SCFD2: variants seen among roughly 807,000 people sequenced by gnomAD.
The protein encoded by SCFD2 is sec1 family domain containing 2.
In SCFD2, 54 loss-of-function variants were observed where a neutral mutation model predicts 58.9. That is an observed-to-expected ratio of 0.92 (90% CI 0.74 to 1.15). SCFD2 has a LOEUF of 1.15. Among genes scored for constraint, SCFD2 ranks in the 50% most tolerant of loss-of-function variants. The pLI is 0.00. For synonymous variants in SCFD2, 321 were observed against 335.9 expected, an observed-to-expected ratio of 0.96 and a Z score of 0.49; for missense variants, 805 against 836.6, an observed-to-expected ratio of 0.96 and a Z score of 0.47.
At chr4:53,350,506 TA>T (rs1734183991) in intron 2 of SCFD2, among the ~76,000 whole-genome samples, 2 of 152,208 alleles carry the variant, frequency 1.3e-5, no homozygotes, top group African/African-American at 2.4e-5. Context: ...CAATACCCTT[TA>T]AAAACCCTTT....
chr4:53,323,530 ATTTTTTTTTTT>A (rs1201482656), intron 2 of SCFD2, among the ~76,000 whole-genome samples: 4 of 106,766 alleles, frequency 3.7e-5, no homozygotes, highest in Non-Finnish European at 5.4e-5. Context: ...TGCCCAGCTA[ATTTTTTTTTTT>A]TTTTTTTTTT....
intron 4 of SCFD2, among the ~76,000 whole-genome samples, chr4:53,185,332 G>A (rs1727704468): frequency 6.6e-6 from 1 of 151,998 alleles, no homozygotes; most frequent in South Asian, 2.1e-4. Context: ...TGAAAATGCT[G>A]CTCTGAATAG....
At chr4:53,162,642 G>C (rs1466397226) in intron 4 of SCFD2, among the ~76,000 whole-genome samples, 1 of 151,080 alleles carries the variant, frequency 6.6e-6, no homozygotes, top group Non-Finnish European at 1.5e-5. Context: ...TAACTGGTGT[G>C]AGATGGTATC....
intron 4 of SCFD2, among the ~76,000 whole-genome samples, chr4:53,180,916 A>C (rs899148458): frequency 3.9e-5 from 6 of 152,224 alleles, no homozygotes; most frequent in African/African-American, 7.2e-5. Flanking sequence ...GAAATGGATA[A>C]ATTCCTCGAC....
intron 5 of SCFD2, among the ~76,000 whole-genome samples, chr4:52,992,466 G>A (rs1274897930): frequency 6.6e-6 from 1 of 152,206 alleles, no homozygotes; most frequent in African/African-American, 2.4e-5. Flanking sequence ...GGGAAGTGAG[G>A]AGCGTCTCTG....
intron 6 of SCFD2, among the ~76,000 whole-genome samples, chr4:52,914,113 C>A (rs1446677385): frequency 6.6e-6 from 1 of 152,174 alleles, no homozygotes; most frequent in African/African-American, 2.4e-5. Context: ...CTTTGGTTAA[C>A]TTTTTATCTC....
chr4:52,910,018 C>T (rs949699672), intron 6 of SCFD2, among the ~76,000 whole-genome samples: 1 of 152,162 alleles, frequency 6.6e-6, no homozygotes, highest in Non-Finnish European at 1.5e-5. Context: ...AGTCCTTTGG[C>T]CAATAATCTG....
chr4:53,211,183 C>A (rs1279778295), intron 4 of SCFD2, among the ~76,000 whole-genome samples: 7 of 150,318 alleles, frequency 4.7e-5, no homozygotes, highest in Non-Finnish European at 1.0e-4. Context: ...GCGGAGGTTG[C>A]AATGAGCTGA....
intron 2 of SCFD2, among the ~76,000 whole-genome samples, chr4:53,329,344 T>G (rs925591477): frequency 1.3e-5 from 2 of 152,176 alleles, no homozygotes; most frequent in African/African-American, 4.8e-5. Flanking sequence ...TAAATGTCCC[T>G]GTCTGACAGC....
intron 3 of SCFD2, among the ~76,000 whole-genome samples, chr4:53,279,410 C>T (rs1423674705): frequency 6.6e-6 from 1 of 152,168 alleles, no homozygotes; most frequent in African/African-American, 2.4e-5. Context: ...GCCACCATAC[C>T]TGGCCCTTAT....
chr4:53,353,905 T>C (rs1370958301), intron 1 of SCFD2, among the ~76,000 whole-genome samples: 1 of 152,270 alleles, frequency 6.6e-6, no homozygotes, highest in Admixed American at 6.5e-5. Flanking sequence ...TGCTGATTGG[T>C]GCATTTACAA....
In SCFD2 at chr4:53,302,275, G is replaced by A. The variant is rs562994592; in HGVS notation, c.1135+11361C>T. Reference sequence around the variant, plus strand: ...AAGTCTCAGGATACAAAATCAATGTGCAAAAATCACAAGCATTCTTATACA... The same window carrying A: ...AAGTCTCAGGATACAAAATCAATGTACAAAAATCACAAGCATTCTTATACA... On this transcript the variant is annotated intron_variant, in intron 3 of 8. Coordinates refer to ENST00000401642, the MANE Select transcript of SCFD2 (RefSeq NM_152540.4). Among the ~76,000 whole-genome samples, 779 of 152,194 alleles carry A rather than the reference G, an allele frequency of 5.1e-3. 2 individuals are homozygous for A. Among genetic ancestry groups the A allele is most frequent in the Non-Finnish European group, 8.5e-3 (576 of 68,020 alleles).
intron 1 of SCFD2, among the ~76,000 whole-genome samples, chr4:53,356,898 G>A (rs1245266306): frequency 4.6e-5 from 7 of 151,732 alleles, no homozygotes; most frequent in East Asian, 1.9e-4. Flanking sequence ...CACCACGCCC[G>A]GATAATTTTT....
At chr4:53,083,701 GGAATTT>G (rs1724217631) in intron 5 of SCFD2, among the ~76,000 whole-genome samples, 1 of 152,180 alleles carries the variant, frequency 6.6e-6, no homozygotes, top group African/African-American at 2.4e-5. Context: ...TACAAAGAGA[GGAATTT>G]TACAGCTGGG....
At chr4:53,039,676 G>T in intron 5 of SCFD2, among the ~76,000 whole-genome samples, 1 of 152,152 alleles carries the variant, frequency 6.6e-6, no homozygotes, top group East Asian at 1.9e-4. Flanking sequence ...TAGCTACCAG[G>T]TAAGGGTGCC....
intron 4 of SCFD2, among the ~76,000 whole-genome samples, chr4:53,183,439 T>A (rs1457905886): frequency 6.6e-6 from 1 of 151,560 alleles, no homozygotes; most frequent in East Asian, 1.9e-4. Flanking sequence ...CACTCATAGG[T>A]GGGAACTGAA....
chr4:52,898,822 T>G (rs573389796), intron 7 of SCFD2, among the ~76,000 whole-genome samples: 91 of 152,358 alleles, frequency 6.0e-4, no homozygotes, highest in African/African-American at 2.1e-3. Flanking sequence ...ACTTGCTTTA[T>G]GAATCTGGGT....
chr4:53,340,393 G>A (rs1276473661), intron 2 of SCFD2, among the ~76,000 whole-genome samples: 1 of 152,182 alleles, frequency 6.6e-6, no homozygotes, highest in Admixed American at 6.5e-5. Flanking sequence ...CAAACTACAA[G>A]GCGGCAGCGA....
rs571543719 is a variant in SCFD2 at position 53,073,613 on chromosome 4, C to T, written c.1561+71720G>A. ...AGAAAAGGTGGAAGACTTTAGTTTCCCTGCCAAAAGATCTGCAGACATGAG... is the reference window on the plus strand; with the variant it reads ...AGAAAAGGTGGAAGACTTTAGTTTCTCTGCCAAAAGATCTGCAGACATGAG... On this transcript the variant is annotated intron_variant, in intron 5 of 8. Coordinates refer to ENST00000401642, the MANE Select transcript of SCFD2 (RefSeq NM_152540.4). 1.3e-4 allele frequency among the ~76,000 whole-genome samples: 20 copies of T among 152,138 alleles called. No individual in the cohort carries two copies. In the South Asian group the frequency reaches 4.2e-3, roughly 32 times the overall value.
Sources: gnomAD v4.1 joint callset for allele counts (sites outside exome capture counted in the v4.1 genomes callset) on GRCh38, gnomAD v4.1.1 for gene constraint, MANE v1.5 for transcripts, NCBI Gene and HGNC (gene_info 2026-07-23, HGNC 2026-07-21) for gene names.